NTNG1: variants seen among roughly 807,000 people sequenced by gnomAD.
NTNG1 encodes the protein netrin-G1.
A neutral mutation model predicts 54.0 loss-of-function variants in NTNG1; 16 were observed. That is an observed-to-expected ratio of 0.30 (90% confidence interval 0.20 to 0.45). The LOEUF is 0.45. Ranked by LOEUF, NTNG1 falls within the 20% of genes least tolerant of loss-of-function variation. NTNG1 has a pLI of 1.00. For synonymous variants in NTNG1, 255 were observed against 263.1 expected (o/e 0.97, Z 0.30); for missense variants, 530 against 678.7 (o/e 0.78, Z 2.43).
At chr1:107,479,014 C>T (rs1181179409) in intron 7 of NTNG1, among the ~76,000 whole-genome samples, 2 of 152,140 alleles carry the variant, frequency 1.3e-5, no homozygotes, top group African/African-American at 4.8e-5. Flanking sequence ...CATTAGAAAC[C>T]ATGGAACACT....
At chr1:107,292,306 G>A (rs1471798214) in intron 2 of NTNG1, among the ~76,000 whole-genome samples, 2 of 152,166 alleles carry the variant, frequency 1.3e-5, no homozygotes, top group African/African-American at 4.8e-5. Flanking sequence ...GCAGGCAGAA[G>A]GAGTGATGGA....
intron 2 of NTNG1, among the ~76,000 whole-genome samples, chr1:107,211,858 C>G (rs1659616454): frequency 6.6e-6 from 1 of 152,182 alleles, no homozygotes; most frequent in South Asian, 2.1e-4. Context: ...TTCTGCCAGA[C>G]TTCCACAGTT....
At chr1:107,388,865 G>A (rs954745870) in intron 3 of NTNG1, among the ~76,000 whole-genome samples, 11 of 152,214 alleles carry the variant, frequency 7.2e-5, no homozygotes, top group Admixed American at 7.2e-4. Context: ...GACAGAAAAA[G>A]AATGTGAGAG....
chr1:107,276,193 ACT>A (rs1664461697), intron 2 of NTNG1, among the ~76,000 whole-genome samples: 1 of 152,030 alleles, frequency 6.6e-6, no homozygotes. Flanking sequence ...TACTAAGGAG[ACT>A]CTATTAAATA....
chr1:107,402,751 C>A (rs540789367), intron 4 of NTNG1, among the ~76,000 whole-genome samples: 1 of 152,226 alleles, frequency 6.6e-6, no homozygotes, highest in Non-Finnish European at 1.5e-5. Context: ...AATGAATCTG[C>A]AGAATGTTTT....
chr1:107,460,188 G>A (rs541093970), intron 7 of NTNG1, among the ~76,000 whole-genome samples: 3 of 152,160 alleles, frequency 2.0e-5, no homozygotes, highest in South Asian at 2.1e-4. Context: ...CTGGGTTCTC[G>A]TCGTGAGCTT....
chr1:107,470,455 G>C (rs2101580902), intron 7 of NTNG1, among the ~76,000 whole-genome samples: 1 of 152,256 alleles, frequency 6.6e-6, no homozygotes, highest in East Asian at 1.9e-4. Flanking sequence ...TTCACATTTT[G>C]GTACAATTGA....
chr1:107,329,242 C>G (rs7512405), intron 3 of NTNG1, among the ~76,000 whole-genome samples: 89,669 of 152,114 alleles, frequency 0.59, 28,526 homozygotes, highest in Non-Finnish European at 0.71. Context: ...CAGAATCACA[C>G]TCTCCCTGCC....
chr1:107,361,535 T>G (rs1444313470), intron 3 of NTNG1, among the ~76,000 whole-genome samples: 1 of 151,368 alleles, frequency 6.6e-6, no homozygotes, highest in Non-Finnish European at 1.5e-5. Flanking sequence ...ATTGCAGGCA[T>G]GCACCACTAT....
intron 5 of NTNG1, among the ~76,000 whole-genome samples, chr1:107,415,968 G>T (rs576729278): frequency 7.9e-5 from 12 of 152,238 alleles, no homozygotes; most frequent in African/African-American, 2.9e-4. Context: ...TACTCAGAGA[G>T]TAATTGGCTA....
At chr1:107,228,083 A>C (rs1450998660) in intron 2 of NTNG1, among the ~76,000 whole-genome samples, 1 of 152,148 alleles carries the variant, frequency 6.6e-6, no homozygotes, top group Non-Finnish European at 1.5e-5. Context: ...CAGGTAATCC[A>C]CATCTGCTAT....
intron 3 of NTNG1, among the ~76,000 whole-genome samples, chr1:107,352,583 G>A (rs1669686914): frequency 6.6e-6 from 1 of 152,276 alleles, no homozygotes; most frequent in South Asian, 2.1e-4. Flanking sequence ...GTACAATTGG[G>A]TAAACATTCT....
At chr1:107,195,643 G>T (rs1015756453) in intron 2 of NTNG1, among the ~76,000 whole-genome samples, 1 of 151,378 alleles carries the variant, frequency 6.6e-6, no homozygotes, top group Non-Finnish European at 1.5e-5. Flanking sequence ...ACACACACCT[G>T]TGCCTTAGCA....
At chr1:107,263,586 C>G (rs919002444) in intron 2 of NTNG1, among the ~76,000 whole-genome samples, 1 of 152,132 alleles carries the variant, frequency 6.6e-6, no homozygotes, top group African/African-American at 2.4e-5. Flanking sequence ...AGTTATCTAG[C>G]TCTTTTCATC....
Position 107,187,214 on chromosome 1 carries a change from C to T in NTNG1, c.246+38375C>T, listed in dbSNP as rs116175886. Among the ~76,000 whole-genome samples the T allele has an allele frequency of 2.8e-3, 426 of 152,102 alleles. 2 individuals are homozygous for T. Among genetic ancestry groups the T allele is most frequent in the African/African-American group, 9.0e-3 (373 of 41,478 alleles). On this transcript the variant is annotated intron_variant, in intron 2 of 7. Coordinates refer to ENST00000370068, the MANE Select transcript of NTNG1 (RefSeq NM_001113226.3). ...TTTATTTGTTTATTGCCTATCTTTACCACTAGTATTGAAAATTTTTATTGT... is the reference window on the plus strand; with the variant it reads ...TTTATTTGTTTATTGCCTATCTTTATCACTAGTATTGAAAATTTTTATTGT...
chr1:107,419,463 G>A (rs1386834016), intron 5 of NTNG1, among the ~76,000 whole-genome samples: 1 of 151,792 alleles, frequency 6.6e-6, no homozygotes, highest in Non-Finnish European at 1.5e-5. Context: ...ATGTGATTAC[G>A]CAGGAAGAAA....
intron 4 of NTNG1, among the ~76,000 whole-genome samples, 195 bp from the exon 5 acceptor site, chr1:107,407,487 G>A (rs1446346991): frequency 2.2e-5 from 3 of 133,542 alleles, no homozygotes; most frequent in African/African-American, 7.7e-5. Context: ...TTCAATTGCT[G>A]GAAATTGTGT....
chr1:107,142,611 G>C lies in NTNG1; in HGVS notation c.-526+1471G>C, dbSNP rs541430601. On this transcript the variant is annotated intron_variant, in intron 1 of 7. Coordinates refer to ENST00000370068, the MANE Select transcript of NTNG1 (RefSeq NM_001113226.3). ...ATATGGTGAATCTGGCAGTAGAATT[G>C]CTCTAGAAATAAGGCCCTGTTTTAT... Among the ~76,000 whole-genome samples, 9 of 151,384 alleles carry C rather than the reference G, an allele frequency of 5.9e-5. No individual in the cohort carries two copies. The South Asian group carries it at 1.9e-3, about 32-fold the overall frequency.
At chr1:107,376,158 C>T (rs547699563) in intron 3 of NTNG1, among the ~76,000 whole-genome samples, 28 of 152,272 alleles carry the variant, frequency 1.8e-4, no homozygotes, top group African/African-American at 3.6e-4. Context: ...CGGTGGCTCA[C>T]GCCTGTAATC....
Sources: allele counts gnomAD v4.1 joint callset (sites outside exome capture counted in the v4.1 genomes callset), GRCh38; gene constraint gnomAD v4.1.1; transcripts MANE v1.5; gene names NCBI Gene and HGNC (gene_info 2026-07-23, HGNC 2026-07-21).